ASCC3: variants seen among roughly 807,000 people sequenced by gnomAD.
The protein encoded by ASCC3 is ASC-1 complex subunit P200.
ASCC3 carries 158 observed loss-of-function variants against 256.3 expected under a neutral mutation model. That is an observed-to-expected ratio of 0.62 (90% CI 0.54 to 0.70). ASCC3 has a LOEUF of 0.70. Ranked by LOEUF, ASCC3 falls within the 30% of genes least tolerant of loss-of-function variation. The probability of loss-of-function intolerance (pLI) is 0.00; values close to 1 mark genes in which losing one functional copy is unlikely to be tolerated. For missense variants in ASCC3, 2,259 were observed against 2,626.0 expected (o/e 0.86, Z 3.05); for synonymous variants, 948 against 883.4 (o/e 1.07, Z -1.30).
chr6:100,538,616 AC>A (rs1775285061), intron 37 of ASCC3, among the ~76,000 whole-genome samples: 1 of 152,140 alleles, frequency 6.6e-6, no homozygotes, highest in Admixed American at 6.5e-5. Context: ...TTTGGTGGAC[AC>A]CATTCTGGAT....
chr6:100,611,322 C>T (rs574832957), intron 30 of ASCC3, among the ~76,000 whole-genome samples: 1 of 152,148 alleles, frequency 6.6e-6, no homozygotes, highest in South Asian at 2.1e-4. Context: ...AAATTTATAG[C>T]TGTTAATCAT....
rs538087258 is a variant in ASCC3, at chr6:100,829,582, C to T, written c.801+18566G>A. Among the ~76,000 whole-genome samples the T allele has an allele frequency of 1.6e-4, 24 of 152,230 alleles. No individual in the cohort carries two copies. In the South Asian group the frequency reaches 5.0e-3, roughly 32 times the overall value. On this transcript the variant is annotated intron_variant, in intron 4 of 41. Coordinates refer to ENST00000369162, the MANE Select transcript of ASCC3 (RefSeq NM_006828.4). ...GCTGGCGGCGCCTCTCCCTCCACAC[C>T]TCCCCGCAAGCTGAGGGAGCCGGCT...
chr6:100,800,067 T>C lies in ASCC3; in HGVS notation c.1127+233A>G, dbSNP rs1769834207. Among the ~76,000 whole-genome samples the C allele has an allele frequency of 2.0e-5, 3 of 152,042 alleles. No individual in the cohort carries two copies. The East Asian group carries it at 5.8e-4, about 29-fold the overall frequency. On this transcript the variant is annotated intron_variant, in intron 6 of 41. Transcript: ENST00000369162. Reference sequence around the variant, plus strand: ...ACAGCACCTAAAAATAGCTTAGCTCTATAATCTAAATCTCTTATCTACCTG... The same window carrying C: ...ACAGCACCTAAAAATAGCTTAGCTCCATAATCTAAATCTCTTATCTACCTG...
At chr6:100,602,172 C>G (rs1772652608) in intron 33 of ASCC3, among the ~76,000 whole-genome samples, 1 of 151,952 alleles carries the variant, frequency 6.6e-6, no homozygotes, top group Non-Finnish European at 1.5e-5. Context: ...CACTTAGTAT[C>G]ATGAACTCAG....
intron 4 of ASCC3, among the ~76,000 whole-genome samples, chr6:100,822,690 A>ACC (rs1215073681): frequency 1.5e-4 from 23 of 152,120 alleles, no homozygotes; most frequent in Non-Finnish European, 2.5e-4. Flanking sequence ...TACAATACAT[A>ACC]CCTACATAGT....
chr6:100,525,364 T>C (rs1318020221), intron 37 of ASCC3, among the ~76,000 whole-genome samples: 1 of 151,802 alleles, frequency 6.6e-6, no homozygotes, highest in Non-Finnish European at 1.5e-5. Context: ...AAGTTGTTAT[T>C]TATAAAGTAT....
intron 11 of ASCC3, among the ~76,000 whole-genome samples, chr6:100,721,937 A>T (rs1300524200): frequency 2.0e-5 from 3 of 151,430 alleles, no homozygotes; most frequent in Non-Finnish European, 4.4e-5. Flanking sequence ...TGTTTCCTAG[A>T]TTTTCTTGTA....
chr6:100,712,706 T>A (rs1269105173), intron 13 of ASCC3, among the ~76,000 whole-genome samples: 1 of 151,860 alleles, frequency 6.6e-6, no homozygotes, highest in Non-Finnish European at 1.5e-5. Context: ...GGTAGTTTTT[T>A]AAAAAGCTAA....
chr6:100,876,408 A>C (rs1774005450), intron 1 of ASCC3, among the ~76,000 whole-genome samples: 1 of 152,234 alleles, frequency 6.6e-6, no homozygotes, highest in African/African-American at 2.4e-5. Context: ...ACTGCAAACA[A>C]TTTAAGGTGG....
intron 1 of ASCC3, among the ~76,000 whole-genome samples, chr6:100,870,960 C>G (rs577257957): frequency 6.6e-6 from 1 of 152,264 alleles, no homozygotes; most frequent in South Asian, 2.1e-4. Flanking sequence ...TCTCTTCACC[C>G]CAATATTCCA....
chr6:100,867,860 G>C, intron 2 of ASCC3, 48 bp downstream of exon 2: 1 of 1,423,346 alleles, frequency 7.0e-7, no homozygotes, highest in Non-Finnish European at 9.9e-7. Context: ...GTTGTCCATA[G>C]TCTGTGTTTA....
intron 37 of ASCC3, among the ~76,000 whole-genome samples, chr6:100,526,988 C>CA (rs538481660): frequency 6.6e-6 from 1 of 151,930 alleles, no homozygotes; most frequent in Admixed American, 6.6e-5. Context: ...ACTCCACAAA[C>CA]AAAAAATCTC....
chr6:100,862,577 T>C lies in ASCC3; in HGVS notation c.241+1487A>G, dbSNP rs535314036. 1.6e-3 allele frequency among the ~76,000 whole-genome samples: 241 copies of C among 152,262 alleles called. 2 individuals are homozygous for C. The highest frequency in any genetic ancestry group is 1.5e-3 in the Non-Finnish European group (105 of 68,014). On this transcript the variant is annotated intron_variant, in intron 3 of 41. Coordinates refer to ENST00000369162, the MANE Select transcript of ASCC3 (RefSeq NM_006828.4). ...CATATGGTAAGGTAAGGATCCAAAT[T>C]CTCTCTCTACCAAGGAATCACCTGA...
chr6:100,847,194 TCA>T (rs1270123222), intron 4 of ASCC3, among the ~76,000 whole-genome samples: 2 of 152,152 alleles, frequency 1.3e-5, no homozygotes, highest in African/African-American at 4.8e-5. Context: ...TTTATAAATT[TCA>T]GTTTATTATA....
Position 100,767,155 on chromosome 6 carries a change from T to C in ASCC3, c.1586A>G (p.Asn529Ser). 6.2e-7 allele frequency: 1 copy of C among 1,613,930 alleles called. No individual in the cohort carries two copies. Among genetic ancestry groups the C allele is most frequent in the South Asian group, 1.1e-5 (1 of 91,074 alleles). Residue 529 changes from asparagine (N) to serine (S), a missense_variant, in exon 9 of 42, where the codon AAT (asparagine) becomes AGT (serine). Asn to Ser is a conservative substitution (Grantham distance 46, BLOSUM62 1). This residue lies in a region of ASCC3 where 1,839 missense variants were observed against 2,206.7 expected (regional missense o/e 0.83). Coordinates refer to ENST00000369162, the MANE Select transcript of ASCC3 (RefSeq NM_006828.4). ...QHFQQGVIKKNEFKIVYVAPM... is the reference protein window; with the variant it reads ...QHFQQGVIKKSEFKIVYVAPM... ...GATTTATTTACTTACCTTAAATTCA[T>C]TCTTTTTGATAACACCTTGTTGAAA... is the stretch of plus-strand genomic sequence containing the variant.
intron 36 of ASCC3, among the ~76,000 whole-genome samples, chr6:100,578,806 G>A (rs1771024896): frequency 6.6e-6 from 1 of 152,048 alleles, no homozygotes; most frequent in South Asian, 2.1e-4. Context: ...TGGGTCAAAT[G>A]GTAGTTCTGT....
chr6:100,788,614 C>T (rs1011929808), intron 8 of ASCC3, among the ~76,000 whole-genome samples: 1 of 150,714 alleles, frequency 6.6e-6, no homozygotes, highest in Non-Finnish European at 1.5e-5. Context: ...TAATACGTTT[C>T]AGCCATGAAA....
chr6:100,562,954 C>A (rs1488265326), intron 36 of ASCC3, among the ~76,000 whole-genome samples: 1 of 151,730 alleles, frequency 6.6e-6, no homozygotes, highest in Non-Finnish European at 1.5e-5. Flanking sequence ...AAAAAGGTTG[C>A]CATTTTTTTT....
chr6:100,559,761 G>A (rs1304642276), intron 36 of ASCC3, among the ~76,000 whole-genome samples: 1 of 151,328 alleles, frequency 6.6e-6, no homozygotes, highest in African/African-American at 2.4e-5. Flanking sequence ...CAGGAGAATT[G>A]CTTGAACCTG....
Sources: allele counts gnomAD v4.1 joint callset (sites outside exome capture counted in the v4.1 genomes callset), GRCh38; gene constraint gnomAD v4.1.1; regional missense constraint gnomAD v4.1.1; transcripts MANE v1.5; gene names NCBI Gene and HGNC (gene_info 2026-07-23, HGNC 2026-07-21).